DDC: variants seen among roughly 807,000 people sequenced by gnomAD.
DDC encodes aromatic-L-amino-acid decarboxylase.
DDC carries 43 observed loss-of-function variants against 60.0 expected under a neutral mutation model. That is an observed-to-expected ratio of 0.72 (90% confidence interval 0.56 to 0.92). The LOEUF is 0.92. DDC is among the 40% of genes least tolerant of loss of function. DDC has a pLI of 0.00. For synonymous variants in DDC, 232 were observed against 234.6 expected (o/e 0.99, Z 0.10); for missense variants, 573 against 620.2 (o/e 0.92, Z 0.81).
chr7:50,526,755 T>C (rs1400853587), intron 6 of DDC, among the ~76,000 whole-genome samples: 1 of 151,958 alleles, frequency 6.6e-6, no homozygotes, highest in East Asian at 1.9e-4. Context: ...AACAGGGAGG[T>C]TGAAAGTAGA....
chr7:50,543,881 T>C lies in DDC; in HGVS notation c.201+4A>G, dbSNP rs2044715712. On this transcript the variant is annotated splice_donor_region_variant and intron_variant, in intron 2 of 14. Coordinates refer to ENST00000444124, the MANE Select transcript of DDC (RefSeq NM_001082971.2). Reference sequence around the variant, plus strand: ...CTGTTTTCTGACCTTGGATACACACTTACCCCAGGCATGATTATCTTCTCA... The same window carrying C: ...CTGTTTTCTGACCTTGGATACACACCTACCCCAGGCATGATTATCTTCTCA... The C allele has an allele frequency of 6.2e-7, 1 of 1,613,854 alleles. No homozygotes were observed. Among genetic ancestry groups the C allele is most frequent in the Admixed American group, 1.7e-5 (1 of 60,014 alleles).
At chr7:50,559,520 C>T (rs928000298) in intron 1 of DDC, among the ~76,000 whole-genome samples, 1 of 152,178 alleles carries the variant, frequency 6.6e-6, no homozygotes, top group African/African-American at 2.4e-5. Flanking sequence ...CTCCGCCTCC[C>T]GGGTTCAAGC....
At position 50,463,445 on chromosome 7, in the gene DDC, A is replaced by G. The variant is rs1286900334; in HGVS notation, c.1243-14T>C. 6 of 1,612,160 alleles carry G rather than the reference A, an allele frequency of 3.7e-6. No homozygotes were observed. The highest frequency in any genetic ancestry group is 5.1e-6 in the Non-Finnish European group (6 of 1,178,290). On this transcript the variant is annotated splice_polypyrimidine_tract_variant and intron_variant, in intron 13 of 14. Coordinates refer to ENST00000444124, the MANE Select transcript of DDC (RefSeq NM_001082971.2). ...TTTGTTGGAACCCTGGAGGGATTGAAAGAGAGGAACTGTGCTCAGGTCTCT... is the reference window on the plus strand; with the variant it reads ...TTTGTTGGAACCCTGGAGGGATTGAGAGAGAGGAACTGTGCTCAGGTCTCT...
intron 9 of DDC, chr7:50,492,697 C>CCTCTCTCA: frequency 1.9e-6 from 1 of 530,554 alleles, no homozygotes. Flanking sequence ...TTCCAAATGG[C>CCTCTCTCA]CTTTTCCAAA....
rs148472208 is a variant in DDC at position 50,463,248 on chromosome 7, G to A, written c.1426C>T (p.Arg476Ter). The stretch of plus-strand genomic sequence containing the variant: ...CTTCACTCCTACTCCCTCTCTGCTC[G>A]CAGCACGTCGGCCGCCAGCTCTTTG... ...HIKELAADVLRAERE is the reference protein window; with the variant it reads ...HIKELAADVL The change falls in exon 14 of 15, where the codon CGA (arginine) becomes TGA (stop). Residue 476 changes from arginine to a stop codon, truncating the protein, a stop_gained. Transcript: ENST00000444124. LOFTEE classifies it high-confidence loss of function. 231 of 1,613,162 alleles carry A rather than the reference G, an allele frequency of 1.4e-4. No homozygotes were observed. The highest frequency in any genetic ancestry group is 1.4e-4 in the Non-Finnish European group (164 of 1,179,700).
chr7:50,543,895 A>G lies in DDC; in HGVS notation c.191T>C (p.Ile64Thr), dbSNP rs2044716414. 4 of 1,614,048 alleles carry G rather than the reference A, an allele frequency of 2.5e-6. No individual in the cohort carries two copies. The highest frequency in any genetic ancestry group is 1.3e-5 in the African/African-American group (1 of 75,012). ...TGGATACACACTTACCCCAGGCATGATTATCTTCTCAACGTCGTTGATGAT... is the reference window on the plus strand; with the variant it reads ...TGGATACACACTTACCCCAGGCATGGTTATCTTCTCAACGTCGTTGATGAT... The part of the protein sequence containing the change: ...EDIINDVEKI[I>T]MPGVTHWHSP... The change falls in exon 2 of 15, where the codon ATC becomes ACC. Residue 64 changes from isoleucine to threonine, a missense_variant. Transcript: ENST00000444124.
chr7:50,499,132 C>T lies in DDC; in HGVS notation c.876+16G>A, dbSNP rs745781692. 14 of 1,598,784 alleles carry T rather than the reference C, an allele frequency of 8.8e-6. No homozygotes were observed. The East Asian group carries it at 1.1e-4, about 13-fold the overall frequency. ...ACTGTGAAAACAGCCTTAGGGAGAG[C>T]GAAGGGTGCACCTACCTCCACTCCA... On this transcript the variant is annotated intron_variant, in intron 8 of 14. Transcript: ENST00000444124.
chr7:50,508,380 G>T (rs1354213963), intron 6 of DDC, among the ~76,000 whole-genome samples: 1 of 152,208 alleles, frequency 6.6e-6, no homozygotes, highest in Non-Finnish European at 1.5e-5. Flanking sequence ...CCATCTCAAA[G>T]AGCCCACAGT....
chr7:50,464,085 T>C (rs1361659060), intron 13 of DDC, among the ~76,000 whole-genome samples: 1 of 151,842 alleles, frequency 6.6e-6, no homozygotes, highest in Admixed American at 6.6e-5. Flanking sequence ...CCATCTCCCT[T>C]TGCTCCTCTG....
rs1272368242 is a variant in DDC at position 50,529,387 on chromosome 7, G to A, written c.436-45C>T. On this transcript the variant is annotated intron_variant, in intron 4 of 14. Coordinates refer to ENST00000444124, the MANE Select transcript of DDC (RefSeq NM_001082971.2). ...CAAATGAAATCCCAAACATAGCGAA[G>A]GCATTGGTACCTACACTATTGGAAG... is the stretch of plus-strand genomic sequence containing the variant. The A allele has an allele frequency of 2.5e-6, 4 of 1,610,196 alleles. No homozygotes were observed. In the South Asian group the frequency reaches 3.3e-5, roughly 13 times the overall value.
intron 4 of DDC, among the ~76,000 whole-genome samples, chr7:50,533,552 C>T (rs2044287892): frequency 6.6e-6 from 1 of 152,150 alleles, no homozygotes; most frequent in South Asian, 2.1e-4. Context: ...GCCTTGGCCT[C>T]CCAAAGTGTT....
At chr7:50,489,623 G>A (rs576744910) in intron 9 of DDC, among the ~76,000 whole-genome samples, 1 of 152,260 alleles carries the variant, frequency 6.6e-6, no homozygotes, top group South Asian at 2.1e-4. Context: ...AAGAGACACA[G>A]GGCCAGAAAT....
At chr7:50,484,847 A>T (rs927432217) in intron 9 of DDC, among the ~76,000 whole-genome samples, 2 of 152,178 alleles carry the variant, frequency 1.3e-5, no homozygotes, top group African/African-American at 4.8e-5. Context: ...AAAATCTACA[A>T]CACTACATAG....
chr7:50,496,440 G>A (rs535964617), intron 8 of DDC, among the ~76,000 whole-genome samples: 206 of 152,098 alleles, frequency 1.4e-3, no homozygotes, highest in Admixed American at 1.9e-3. Flanking sequence ...ACAGGCTCCC[G>A]TAGCTGGAAG....
In DDC at chr7:50,528,217, C is replaced by T; in HGVS notation, c.634G>A (p.Asp212Asn). Residue 212 changes from aspartate to asparagine, a missense_variant, in exon 6 of 15, where the codon GAT becomes AAT. Asp to Asn is a conservative substitution (Grantham distance 23). Coordinates refer to ENST00000444124, the MANE Select transcript of DDC (RefSeq NM_001082971.2). ...GACGCACGCATGGCGAAGTTGCCAT[C>T]TGAGGGGATGGCTTTTAATTTCACT... is the stretch of plus-strand genomic sequence containing the variant. ...GGVKLKAIPSDGNFAMRASAL... is the reference protein window; with the variant it reads ...GGVKLKAIPSNGNFAMRASAL... 1 of 1,614,198 alleles carries T rather than the reference C, an allele frequency of 6.2e-7. No individual in the cohort carries two copies. Among genetic ancestry groups the T allele is most frequent in the Non-Finnish European group, 8.5e-7 (1 of 1,180,048 alleles).
At chr7:50,499,090 G>T in intron 8 of DDC, 58 bp downstream of exon 8, 1 of 1,286,662 alleles carries the variant, frequency 7.8e-7, no homozygotes, top group Non-Finnish European at 1.1e-6. Context: ...CATGAAGGGA[G>T]AGGTCAATAA....
At chr7:50,552,332 A>T (rs6975312) in intron 1 of DDC, among the ~76,000 whole-genome samples, 140,166 of 152,224 alleles carry the variant, frequency 0.92, 65,352 homozygotes, top group East Asian at 1. Context: ...GTTGACATAA[A>T]CTGCCCAGTG....
chr7:50,503,653 A>G (rs2043311412), intron 7 of DDC, among the ~76,000 whole-genome samples: 1 of 152,242 alleles, frequency 6.6e-6, no homozygotes, highest in Non-Finnish European at 1.5e-5. Flanking sequence ...TGTATGCACG[A>G]CCCACATATG....
intron 6 of DDC, among the ~76,000 whole-genome samples, chr7:50,508,486 G>A (rs1401699735): frequency 6.6e-6 from 1 of 152,146 alleles, no homozygotes; most frequent in Non-Finnish European, 1.5e-5. Context: ...CGCAGGCATC[G>A]CCCTCTGTGG....
Sources: allele counts gnomAD v4.1 joint callset (sites outside exome capture counted in the v4.1 genomes callset), GRCh38; gene constraint gnomAD v4.1.1; transcripts MANE v1.5; gene names NCBI Gene and HGNC (gene_info 2026-07-23, HGNC 2026-07-21).